DISC1: variants seen among roughly 807,000 people sequenced by gnomAD.
DISC1 encodes disrupted in schizophrenia 1 protein.
In DISC1, 57 loss-of-function variants were observed where a neutral mutation model predicts 84.5. The observed-to-expected ratio is 0.67, with a 90% CI of 0.55 to 0.84. The LOEUF is 0.84. Among genes scored for constraint, DISC1 ranks in the 40% least tolerant of loss-of-function variants. The probability of loss-of-function intolerance (pLI) is 0.00; values close to 1 mark genes in which losing one functional copy is unlikely to be tolerated. For synonymous variants in DISC1, 411 were observed against 415.2 expected (o/e 0.99, Z 0.12); for missense variants, 1,000 against 1,057.8 (o/e 0.95, Z 0.76).
intron 8 of DISC1, among the ~76,000 whole-genome samples, chr1:231,808,360 C>T (rs370940916): frequency 3.3e-5 from 5 of 152,314 alleles, no homozygotes; most frequent in Non-Finnish European, 7.3e-5. Context: ...CCAGGCCCAC[C>T]GTGTACCATG....
At chr1:231,992,296 C>T (rs79068469) in intron 10 of DISC1, among the ~76,000 whole-genome samples, 7 of 152,286 alleles carry the variant, frequency 4.6e-5, no homozygotes, top group East Asian at 3.9e-4. Context: ...ATGCAAATCA[C>T]GTGTTGATTG....
intron 10 of DISC1, among the ~76,000 whole-genome samples, chr1:231,983,920 T>C (rs1664025335): frequency 6.6e-6 from 1 of 152,192 alleles, no homozygotes; most frequent in Non-Finnish European, 1.5e-5. Flanking sequence ...TTTTAACTAA[T>C]TTTTTCTTCC....
intron 9 of DISC1, among the ~76,000 whole-genome samples, chr1:231,849,057 G>A (rs1301805406): frequency 6.6e-6 from 1 of 152,016 alleles, no homozygotes; most frequent in Non-Finnish European, 1.5e-5. Context: ...TGTACCTGCT[G>A]AGCTTCTTGA....
chr1:231,770,979 C>G lies in DISC1; in HGVS notation c.1543C>G (p.Gln515Glu). 6.2e-7 allele frequency: 1 copy of G among 1,613,738 alleles called. No homozygotes were observed. Among genetic ancestry groups the G allele is most frequent in the Middle Eastern group, 1.6e-4 (1 of 6,062 alleles). The change falls in exon 6 of 13, where the codon CAG becomes GAG. Residue 515 changes from glutamine to glutamate, a missense_variant. Transcript: ENST00000439617. ...TPLVGQLSLG[Q>E]LQEVSKALQD... ...ACTGGTGGGCCAGCTGTCCCTGGGT[C>G]AGCTGCAGGAGGTCAGCAAGGCCTT...
chr1:231,993,490 A>ACTCTCC (rs1665504212), intron 10 of DISC1, among the ~76,000 whole-genome samples: 1 of 152,140 alleles, frequency 6.6e-6, no homozygotes, highest in South Asian at 2.1e-4. Context: ...GAAATGGGGA[A>ACTCTCC]AAGCAGACCT....
intron 1 of DISC1, among the ~76,000 whole-genome samples, chr1:231,672,081 A>G (rs1310105708): frequency 1.3e-5 from 2 of 152,138 alleles, no homozygotes; most frequent in Admixed American, 1.3e-4. Flanking sequence ...GATTGTTTTA[A>G]TTATTCATTT....
intron 11 of DISC1, among the ~76,000 whole-genome samples, chr1:232,016,370 C>T (rs537386249): frequency 1.3e-5 from 2 of 152,114 alleles, no homozygotes; most frequent in African/African-American, 4.8e-5. Flanking sequence ...TACAAAAGGG[C>T]CTTAGGGTTG....
At chr1:231,872,196 A>T (rs2085513331) in intron 9 of DISC1, among the ~76,000 whole-genome samples, 1 of 152,246 alleles carries the variant, frequency 6.6e-6, no homozygotes, top group Non-Finnish European at 1.5e-5. Context: ...GTACTTGATC[A>T]CTTACCCTAT....
intron 10 of DISC1, among the ~76,000 whole-genome samples, chr1:231,962,880 C>A (rs564153298): frequency 5.9e-5 from 9 of 152,302 alleles, no homozygotes; most frequent in Admixed American, 3.3e-4. Flanking sequence ...TGCTGGCTCA[C>A]CAGCCTCCTT....
intron 10 of DISC1, among the ~76,000 whole-genome samples, chr1:231,980,304 T>G (rs1053451313): frequency 6.6e-6 from 1 of 152,180 alleles, no homozygotes; most frequent in African/African-American, 2.4e-5. Context: ...AGACCATTAT[T>G]TACTTTCTTA....
intron 6 of DISC1, among the ~76,000 whole-genome samples, chr1:231,791,377 C>A (rs2078339327): frequency 6.6e-6 from 1 of 152,092 alleles, no homozygotes; most frequent in South Asian, 2.1e-4. Context: ...AGCTGGTTAC[C>A]CCTGGGAAAG....
chr1:231,844,788 A>G (rs983791972), intron 9 of DISC1, among the ~76,000 whole-genome samples: 1 of 151,802 alleles, frequency 6.6e-6, no homozygotes. Context: ...TTAGCCGGAC[A>G]TTGTGGTGGG....
intron 9 of DISC1, among the ~76,000 whole-genome samples, chr1:231,845,188 T>TA (rs2125878381): frequency 6.6e-6 from 1 of 152,306 alleles, no homozygotes; most frequent in African/African-American, 2.4e-5. Flanking sequence ...GGTTAAATTT[T>TA]AGAGTTCTCT....
At chr1:231,775,413 A>G (rs1194703849) in intron 6 of DISC1, among the ~76,000 whole-genome samples, 1 of 152,198 alleles carries the variant, frequency 6.6e-6, no homozygotes, top group Non-Finnish European at 1.5e-5. Flanking sequence ...AGTAGAGGGC[A>G]TGTGCTGGGG....
chr1:231,967,908 A>G (rs746785004), intron 10 of DISC1, among the ~76,000 whole-genome samples: 1 of 152,224 alleles, frequency 6.6e-6, no homozygotes, highest in African/African-American at 2.4e-5. Flanking sequence ...AGAGTAAAAA[A>G]GGAAGGAAAA....
At chr1:231,634,568 C>T (rs2059027739) in intron 1 of DISC1, among the ~76,000 whole-genome samples, 1 of 152,310 alleles carries the variant, frequency 6.6e-6, no homozygotes, top group Admixed American at 6.5e-5. Context: ...TCAATTTAAA[C>T]AGTAGATTTG....
intron 3 of DISC1, among the ~76,000 whole-genome samples, chr1:231,716,699 G>A (rs192560324): frequency 6.6e-6 from 1 of 152,248 alleles, no homozygotes; most frequent in East Asian, 1.9e-4. Flanking sequence ...GTTTCTGTGG[G>A]TCTCTACTGT....
chr1:231,711,144 G>A (rs1160923565), intron 3 of DISC1, among the ~76,000 whole-genome samples: 4 of 151,806 alleles, frequency 2.6e-5, no homozygotes. Flanking sequence ...GTATATCATG[G>A]TATCCCTTCA....
At chr1:231,772,367 G>A (rs2076617190) in intron 6 of DISC1, among the ~76,000 whole-genome samples, 1 of 152,096 alleles carries the variant, frequency 6.6e-6, no homozygotes, top group Non-Finnish European at 1.5e-5. Flanking sequence ...GAGCAGTAAG[G>A]ACTGCAAGTG....
Sources: gnomAD v4.1 joint callset for allele counts (sites outside exome capture counted in the v4.1 genomes callset) on GRCh38, gnomAD v4.1.1 for gene constraint, MANE v1.5 for transcripts, NCBI Gene and HGNC (gene_info 2026-07-23, HGNC 2026-07-21) for gene names.